Variants in EPS15 observed in about 807,000 individuals in gnomAD.
EPS15 encodes the protein epidermal growth factor receptor pathway substrate 15.
In EPS15, 72 loss-of-function variants were observed where a neutral mutation model predicts 113.8. The ratio of observed to expected loss-of-function variants is 0.63; its 90% CI spans 0.52 to 0.77. The LOEUF is 0.77. Among genes scored for constraint, EPS15 ranks in the 30% least tolerant of loss-of-function variants. The probability of loss-of-function intolerance (pLI) is 0.00; values close to 1 mark genes in which losing one functional copy is unlikely to be tolerated. For missense variants in EPS15, 1,048 were observed against 1,045.8 expected, an observed-to-expected ratio of 1.00 and a Z score of -0.03; for synonymous variants, 344 against 363.4, an observed-to-expected ratio of 0.95 and a Z score of 0.61.
intron 5 of EPS15, among the ~76,000 whole-genome samples, chr1:51,466,994 T>C (rs1249612128): frequency 1.3e-5 from 2 of 151,258 alleles, no homozygotes; most frequent in African/African-American, 2.4e-5. Context: ...CCAAGAAAAA[T>C]GGGCAAAAGC....
chr1:51,402,583 A>C (rs1648685200), intron 17 of EPS15, 58 bp from the exon 18 acceptor site: 3 of 924,480 alleles, frequency 3.2e-6, no homozygotes, highest in Admixed American at 2.2e-5. Flanking sequence ...AAAAGGTAAC[A>C]TTTTAAAATA....
chr1:51,516,162 TA>T (rs1358243693), intron 1 of EPS15, among the ~76,000 whole-genome samples: 1 of 152,134 alleles, frequency 6.6e-6, no homozygotes, highest in Non-Finnish European at 1.5e-5. Flanking sequence ...TGTAAAGCAC[TA>T]AAGAACCCAG....
At chr1:51,363,072 C>T (rs1646425189) in intron 23 of EPS15, among the ~76,000 whole-genome samples, 2 of 152,002 alleles carry the variant, frequency 1.3e-5, no homozygotes, top group African/African-American at 2.4e-5. Context: ...CCGAGGTGGA[C>T]AGATCACTTG....
chr1:51,455,941 CT>C (rs200358961), intron 8 of EPS15, among the ~76,000 whole-genome samples: 8 of 150,264 alleles, frequency 5.3e-5, no homozygotes, highest in African/African-American at 1.5e-4. Context: ...TACAAATTTA[CT>C]TTTAAAAAAA....
chr1:51,467,268 A>G (rs371437874), intron 5 of EPS15, among the ~76,000 whole-genome samples: 31 of 152,382 alleles, frequency 2.0e-4, no homozygotes, highest in African/African-American at 6.3e-4. Flanking sequence ...CAAGTTGACA[A>G]AATACATAGA....
In EPS15 at chr1:51,396,921, C is replaced by T. The variant is rs117353603; in HGVS notation, c.2052+2111G>A. Among the ~76,000 whole-genome samples, 18 of 152,020 alleles carry T rather than the reference C, an allele frequency of 1.2e-4. No individual in the cohort carries two copies. The East Asian group carries it at 3.5e-3, about 29-fold the overall frequency. On this transcript the variant is annotated intron_variant, in intron 20 of 24. Coordinates refer to ENST00000371733, the MANE Select transcript of EPS15 (RefSeq NM_001981.3). ...ATTGAGACAAGATCTCACTCTGTCA[C>T]CCAAGCTGGAGTGCTGTGGTACAAT...
intron 21 of EPS15, among the ~76,000 whole-genome samples, chr1:51,371,953 A>G (rs1430857023): frequency 3.9e-5 from 6 of 152,246 alleles, no homozygotes; most frequent in Non-Finnish European, 5.9e-5. Context: ...AACTGCCTAC[A>G]GTATTCAGTA....
chr1:51,479,703 T>C (rs56785149), intron 2 of EPS15, among the ~76,000 whole-genome samples: 3 of 152,270 alleles, frequency 2.0e-5, no homozygotes, highest in Non-Finnish European at 4.4e-5. Context: ...GTTTTTCTTC[T>C]TAGGATGTAA....
intron 1 of EPS15, among the ~76,000 whole-genome samples, chr1:51,489,259 A>T (rs951459542): frequency 4.7e-5 from 7 of 150,344 alleles, no homozygotes; most frequent in African/African-American, 9.8e-5. Context: ...TAAGAAAAAA[A>T]TTTTTACAAA....
intron 6 of EPS15, among the ~76,000 whole-genome samples, chr1:51,464,197 C>T (rs1654678476): frequency 6.6e-6 from 1 of 151,982 alleles, no homozygotes. Context: ...AGTGACATTC[C>T]ATGACTCTCT....
chr1:51,374,897 G>A (rs1646750622), intron 21 of EPS15, among the ~76,000 whole-genome samples: 1 of 151,098 alleles, frequency 6.6e-6, no homozygotes, highest in African/African-American at 2.4e-5. Context: ...AGCCATGTTG[G>A]CCAGGCTGGT....
intron 8 of EPS15, among the ~76,000 whole-genome samples, chr1:51,456,998 A>AG (rs888839450): frequency 3.3e-5 from 5 of 152,140 alleles, no homozygotes; most frequent in South Asian, 2.1e-4. Context: ...TTAGAACATG[A>AG]GGGGGGGCCA....
At chr1:51,442,206 G>A (rs1416267563) in intron 11 of EPS15, among the ~76,000 whole-genome samples, 1 of 152,064 alleles carries the variant, frequency 6.6e-6, no homozygotes, top group Admixed American at 6.6e-5. Context: ...ATCTAAACTT[G>A]ACCTATGAGC....
At chr1:51,362,681 T>C (rs1455972106) in intron 23 of EPS15, among the ~76,000 whole-genome samples, 1 of 152,120 alleles carries the variant, frequency 6.6e-6, no homozygotes, top group South Asian at 2.1e-4. Flanking sequence ...CAATTGTACA[T>C]GCAATTCTTT....
Position 51,408,352 on chromosome 1 carries a change from G to C in EPS15, c.1276-20C>G, listed in dbSNP as rs1366635722. ...AGAGATCTATAATGTGAAAGTGAATGAGAAGAAATGGGGATTAAAAGAAGA... is the reference window on the plus strand; with the variant it reads ...AGAGATCTATAATGTGAAAGTGAATCAGAAGAAATGGGGATTAAAAGAAGA... On this transcript the variant is annotated intron_variant, in intron 14 of 24. Coordinates refer to ENST00000371733, the MANE Select transcript of EPS15 (RefSeq NM_001981.3). 4 of 1,536,052 alleles carry C rather than the reference G, an allele frequency of 2.6e-6. No individual in the cohort carries two copies.
chr1:51,362,031 C>T (rs932611729), intron 23 of EPS15, among the ~76,000 whole-genome samples: 1 of 152,148 alleles, frequency 6.6e-6, no homozygotes, highest in African/African-American at 2.4e-5. Context: ...TAATTCATTA[C>T]CATTTTCAAA....
At chr1:51,358,146 C>CA (rs1014089965) in intron 24 of EPS15, among the ~76,000 whole-genome samples, 26 of 151,724 alleles carry the variant, frequency 1.7e-4, no homozygotes, top group South Asian at 4.2e-4. Context: ...TCTGTTTTTA[C>CA]AAAAAAAATT....
chr1:51,448,196 T>C, intron 8 of EPS15, 61 bp from the exon 9 acceptor site: 1 of 925,236 alleles, frequency 1.1e-6, no homozygotes, highest in Non-Finnish European at 1.7e-6. Context: ...ACCCACTGAA[T>C]TGATTATTGT....
At chr1:51,498,738 T>C (rs1644366988) in intron 1 of EPS15, among the ~76,000 whole-genome samples, 1 of 152,198 alleles carries the variant, frequency 6.6e-6, no homozygotes, top group Non-Finnish European at 1.5e-5. Context: ...TTCTCACTCC[T>C]CTCTCCCCCA....
Sources: gnomAD v4.1 joint callset for allele counts (sites outside exome capture counted in the v4.1 genomes callset) on GRCh38, gnomAD v4.1.1 for gene constraint, MANE v1.5 for transcripts, NCBI Gene and HGNC (gene_info 2026-07-23, HGNC 2026-07-21) for gene names.